The following PRKD1 variants were observed in gnomAD, a reference collection of about 807,000 sequenced individuals.
PRKD1 encodes the protein serine/threonine-protein kinase D1.
In PRKD1, 63 loss-of-function variants were observed where a neutral mutation model predicts 95.9. That is an observed-to-expected ratio of 0.66 (90% CI 0.54 to 0.81). PRKD1 has a LOEUF of 0.81. Ranked by LOEUF, PRKD1 falls within the 30% of genes least tolerant of loss-of-function variation. The pLI is 0.00. For synonymous variants in PRKD1, 425 were observed against 423.1 expected, an observed-to-expected ratio of 1.00 and a Z score of -0.05; for missense variants, 1,048 against 1,165.3, an observed-to-expected ratio of 0.90 and a Z score of 1.47.
At chr14:29,752,672 AG>A (rs1412753234) in intron 1 of PRKD1, among the ~76,000 whole-genome samples, 1 of 151,998 alleles carries the variant, frequency 6.6e-6, no homozygotes, top group Non-Finnish European at 1.5e-5. Context: ...AGAACCCATG[AG>A]GGCATCACCA....
intron 1 of PRKD1, among the ~76,000 whole-genome samples, chr14:29,842,255 A>G (rs1891882589): frequency 6.6e-6 from 1 of 152,278 alleles, no homozygotes; most frequent in Admixed American, 6.5e-5. Context: ...TATAGCAAAT[A>G]CATAAATCAG....
At chr14:29,902,883 C>T (rs993571885) in intron 1 of PRKD1, among the ~76,000 whole-genome samples, 4 of 151,900 alleles carry the variant, frequency 2.6e-5, no homozygotes, top group Admixed American at 6.6e-5. Flanking sequence ...CTAGACATAA[C>T]GACTGTTAGA....
At chr14:29,647,529 A>C (rs544782856) in intron 4 of PRKD1, among the ~76,000 whole-genome samples, 1 of 152,334 alleles carries the variant, frequency 6.6e-6, no homozygotes, top group African/African-American at 2.4e-5. Context: ...AGAGGTAAAT[A>C]TTCCCATAGT....
chr14:29,684,117 T>C (rs1408166707), intron 2 of PRKD1, among the ~76,000 whole-genome samples: 1 of 151,776 alleles, frequency 6.6e-6, no homozygotes, highest in African/African-American at 2.4e-5. Context: ...CTCCCTAGAC[T>C]CTTCCAGTAT....
intron 1 of PRKD1, among the ~76,000 whole-genome samples, chr14:29,849,967 T>G (rs570494373): frequency 6.6e-6 from 1 of 152,234 alleles, no homozygotes; most frequent in South Asian, 2.1e-4. Context: ...ATCATCTCAA[T>G]AGATTAAGAA....
chr14:29,703,084 T>C (rs200156357), intron 2 of PRKD1, among the ~76,000 whole-genome samples: 1 of 152,182 alleles, frequency 6.6e-6, no homozygotes, highest in East Asian at 1.9e-4. Context: ...GTGATTTTTT[T>C]TCCCCATAGG....
At chr14:29,752,468 G>A (rs1206601647) in intron 1 of PRKD1, among the ~76,000 whole-genome samples, 1 of 152,054 alleles carries the variant, frequency 6.6e-6, no homozygotes, top group Non-Finnish European at 1.5e-5. Context: ...GAAAGATAAA[G>A]TAATGGCTGG....
At chr14:29,808,031 T>C (rs563140814) in intron 1 of PRKD1, among the ~76,000 whole-genome samples, 207 of 152,244 alleles carry the variant, frequency 1.4e-3, no homozygotes, top group South Asian at 2.5e-3. Context: ...AACCAATTTC[T>C]TAACATAAGA....
At chr14:29,767,474 C>T (rs888805388) in intron 1 of PRKD1, among the ~76,000 whole-genome samples, 1 of 152,166 alleles carries the variant, frequency 6.6e-6, no homozygotes, top group African/African-American at 2.4e-5. Context: ...CTCTCCACCT[C>T]ATGCTGGTCT....
chr14:29,843,157 A>G lies in PRKD1; in HGVS notation c.264+84092T>C, dbSNP rs548459190. On this transcript the variant is annotated intron_variant, in intron 1 of 17. Transcript: ENST00000331968. ...AGGTAAATGGGTAAGCCCTAATCCAATATGAATGGTGTCTTTATAATAAGA... is the reference window on the plus strand; with the variant it reads ...AGGTAAATGGGTAAGCCCTAATCCAGTATGAATGGTGTCTTTATAATAAGA... Among the ~76,000 whole-genome samples, 17 of 152,282 alleles carry G rather than the reference A, an allele frequency of 1.1e-4. No homozygotes were observed. The East Asian group carries it at 2.7e-3, about 24-fold the overall frequency.
intron 1 of PRKD1, among the ~76,000 whole-genome samples, chr14:29,838,854 G>GTTTGAAAAGAGTCCC (rs1891716814): frequency 6.6e-6 from 1 of 152,114 alleles, no homozygotes; most frequent in Admixed American, 6.5e-5. Flanking sequence ...TAAGTAATGG[G>GTTTGAAAAGAGTCCC]TTTGAAAAGA....
intron 9 of PRKD1, among the ~76,000 whole-genome samples, chr14:29,632,197 A>C (rs1411212483): frequency 6.6e-6 from 1 of 152,216 alleles, no homozygotes; most frequent in Non-Finnish European, 1.5e-5. Context: ...ATAACTTTTA[A>C]AACAAAGTTT....
At chr14:29,815,633 G>C (rs1206995372) in intron 1 of PRKD1, among the ~76,000 whole-genome samples, 5 of 152,196 alleles carry the variant, frequency 3.3e-5, no homozygotes, top group African/African-American at 9.6e-5. Context: ...AGTGGAACAT[G>C]TCTCCCAGTC....
intron 4 of PRKD1, 22 bp from the exon 5 acceptor site, chr14:29,638,926 A>T: frequency 6.3e-7 from 1 of 1,590,648 alleles, no homozygotes; most frequent in Non-Finnish European, 8.6e-7. Context: ...AAAACAATAA[A>T]GGAAGCAAGA....
rs548054090 is a variant in PRKD1, at chr14:29,672,215, C to A, written c.404-6007G>T. 2.0e-5 allele frequency among the ~76,000 whole-genome samples: 3 copies of A among 152,102 alleles called. No individual in the cohort carries two copies. The East Asian group carries it at 5.8e-4, about 29-fold the overall frequency. On this transcript the variant is annotated intron_variant, in intron 2 of 17. Coordinates refer to ENST00000331968, the MANE Select transcript of PRKD1 (RefSeq NM_002742.3). ...AATTGGCCGGGCGTGGTGGTGGGTG[C>A]CTGTAGTCCCAGCTATTTGGGAGGC...
intron 1 of PRKD1, among the ~76,000 whole-genome samples, chr14:29,777,794 A>C (rs369241168): frequency 0.021 from 3,156 of 152,214 alleles, 110 homozygotes; most frequent in Admixed American, 0.09. Context: ...CCAAGCAGAC[A>C]TAATAGACAT....
intron 1 of PRKD1, among the ~76,000 whole-genome samples, chr14:29,849,012 A>C (rs981674168): frequency 3.3e-5 from 5 of 152,336 alleles, no homozygotes; most frequent in African/African-American, 1.2e-4. Context: ...GAGAAATACA[A>C]AAGATCCTCA....
intron 1 of PRKD1, among the ~76,000 whole-genome samples, chr14:29,808,028 T>G (rs558243043): frequency 1.3e-5 from 2 of 152,204 alleles, no homozygotes; most frequent in East Asian, 3.9e-4. Flanking sequence ...CACAACCAAT[T>G]TCTTAACATA....
rs1047746492 is a variant in PRKD1, at chr14:29,691,021, C to T, written c.404-24813G>A. On this transcript the variant is annotated intron_variant, in intron 2 of 17. Transcript: ENST00000331968. Reference sequence around the variant, plus strand: ...ACAACTGCAGGGCTGTGCTGAGCACCATTTTATCCTCATGCTTAGCACAGG... The same window carrying T: ...ACAACTGCAGGGCTGTGCTGAGCACTATTTTATCCTCATGCTTAGCACAGG... Among the ~76,000 whole-genome samples the T allele has an allele frequency of 2.0e-5, 3 of 152,152 alleles. No individual in the cohort carries two copies. In the East Asian group the frequency reaches 5.8e-4, roughly 29 times the overall value.
Sources: allele counts gnomAD v4.1 joint callset (sites outside exome capture counted in the v4.1 genomes callset), GRCh38; gene constraint gnomAD v4.1.1; transcripts MANE v1.5; gene names NCBI Gene and HGNC (gene_info 2026-07-23, HGNC 2026-07-21).